The following MAP4K3 variants were observed in gnomAD, a reference collection of about 807,000 sequenced individuals.
MAP4K3 encodes the protein MAPK/ERK kinase kinase kinase 3.
Under a neutral mutation model 143.5 loss-of-function variants are expected in MAP4K3, and 94 were observed. The ratio of observed to expected loss-of-function variants is 0.65; its 90% CI spans 0.55 to 0.78. The LOEUF (loss-of-function observed/expected upper bound fraction) is 0.78. Ranked by LOEUF, MAP4K3 falls within the 30% of genes least tolerant of loss-of-function variation. The pLI, the probability that MAP4K3 is intolerant of heterozygous loss-of-function variation, is 0.00. For missense variants in MAP4K3, 1,077 were observed against 1,068.1 expected, an observed-to-expected ratio of 1.01 and a Z score of -0.12; for synonymous variants, 416 against 347.2, an observed-to-expected ratio of 1.20 and a Z score of -2.20.
intron 3 of MAP4K3, among the ~76,000 whole-genome samples, chr2:39,351,304 C>A (rs544268381): frequency 6.6e-6 from 1 of 152,206 alleles, no homozygotes; most frequent in African/African-American, 2.4e-5. Flanking sequence ...TAAATATCTA[C>A]CAATCTTTTA....
At chr2:39,288,009 T>C in intron 20 of MAP4K3, 112 bp downstream of exon 20, 4 of 1,330,802 alleles carry the variant, frequency 3.0e-6, no homozygotes, top group Non-Finnish European at 4.2e-6. Context: ...AGCCACTGCT[T>C]TCCTTCTGTC....
chr2:39,337,752 GTTTTTTTTTTTTT>G lies in MAP4K3; in HGVS notation c.311-184_311-172del, dbSNP rs570853243. 1.9e-3 allele frequency among the ~76,000 whole-genome samples: 131 copies of G among 70,512 alleles called. 1 individual carries two copies. Among genetic ancestry groups the G allele is most frequent in the Non-Finnish European group, 2.6e-3 (111 of 42,504 alleles). 46.3% of individuals were successfully genotyped at this position (70,512 alleles called of 152,430 possible). Reference sequence around the variant, plus strand: ...TACTGTCCTACTGTGCCTGGCTCCAGTTTTTTTTTTTTTTTTTTTTTTTTTTTTGAGACAGGGT... The same window carrying G: ...TACTGTCCTACTGTGCCTGGCTCCAGTTTTTTTTTTTTTTTGAGACAGGGT... On this transcript the variant is annotated intron_variant, in intron 4 of 33. Transcript: ENST00000263881.
intron 1 of MAP4K3, among the ~76,000 whole-genome samples, chr2:39,395,456 G>T (rs1666780094): frequency 6.6e-6 from 1 of 151,996 alleles, no homozygotes; most frequent in Admixed American, 6.6e-5. Flanking sequence ...AAAAGAAAAT[G>T]GAATGCTTCT....
rs559688559 is a variant in MAP4K3 at position 39,273,010 on chromosome 2, G to GA, written c.1795-469dup. Among the ~76,000 whole-genome samples, 10 of 150,406 alleles carry GA rather than the reference G, an allele frequency of 6.6e-5. No homozygotes were observed. In the South Asian group the frequency reaches 1.5e-3, roughly 22 times the overall value. ...GATACAGAAACACTAGGTATGGAGG[G>GA]AAAAAAAAGGCTGAGATAGAAGATG... is the stretch of plus-strand genomic sequence containing the variant. On this transcript the variant is annotated intron_variant, in intron 24 of 33. Coordinates refer to ENST00000263881, the MANE Select transcript of MAP4K3 (RefSeq NM_003618.4).
intron 26 of MAP4K3, 37 bp downstream of exon 26, chr2:39,272,246 T>C (rs757461025): frequency 7.1e-7 from 1 of 1,403,060 alleles, no homozygotes; most frequent in Admixed American, 1.8e-5. Context: ...GAGAATGAAC[T>C]GTTAATATCA....
chr2:39,255,051 C>T (rs1316636582), intron 31 of MAP4K3, among the ~76,000 whole-genome samples: 1 of 152,138 alleles, frequency 6.6e-6, no homozygotes, highest in Non-Finnish European at 1.5e-5. Flanking sequence ...CATTTCTGGT[C>T]TTTCCTTCCT....
chr2:39,308,940 T>C (rs958585545), intron 14 of MAP4K3, among the ~76,000 whole-genome samples: 6 of 151,220 alleles, frequency 4.0e-5, no homozygotes, highest in African/African-American at 1.5e-4. Context: ...AAAAAGCCCC[T>C]CAAAAAGAGA....
chr2:39,401,820 C>G (rs1044460127), intron 1 of MAP4K3, among the ~76,000 whole-genome samples: 4 of 151,924 alleles, frequency 2.6e-5, no homozygotes, highest in African/African-American at 9.7e-5. Context: ...CAAATAAATA[C>G]AAGAATCTGT....
chr2:39,296,039 T>C (rs911265328), intron 16 of MAP4K3, among the ~76,000 whole-genome samples: 1 of 152,244 alleles, frequency 6.6e-6, no homozygotes, highest in Non-Finnish European at 1.5e-5. Flanking sequence ...TCCACTTTTT[T>C]AAAAAGAATC....
At chr2:39,326,453 A>C (rs904329900) in intron 8 of MAP4K3, among the ~76,000 whole-genome samples, 176 bp from the exon 9 acceptor site, 1 of 152,118 alleles carries the variant, frequency 6.6e-6, no homozygotes, top group African/African-American at 2.4e-5. Flanking sequence ...TTGACATCTC[A>C]TAAGACCCTC....
chr2:39,412,883 C>A (rs1228272493), intron 1 of MAP4K3, among the ~76,000 whole-genome samples: 5 of 151,986 alleles, frequency 3.3e-5, no homozygotes, highest in African/African-American at 1.2e-4. Context: ...TCAAATCTGG[C>A]AATCAAGAGG....
chr2:39,344,866 G>C (rs185610249), intron 3 of MAP4K3, among the ~76,000 whole-genome samples: 82 of 152,286 alleles, frequency 5.4e-4, no homozygotes, highest in African/African-American at 1.8e-3. Flanking sequence ...TGATTTAGTG[G>C]GAGTTGAAGA....
At chr2:39,434,000 T>G (rs1665374721) in intron 1 of MAP4K3, among the ~76,000 whole-genome samples, 1 of 152,222 alleles carries the variant, frequency 6.6e-6, no homozygotes, top group South Asian at 2.1e-4. Context: ...AATCCCAGAT[T>G]GTCCACATCC....
At chr2:39,406,021 A>G (rs1202802587) in intron 1 of MAP4K3, among the ~76,000 whole-genome samples, 1 of 152,144 alleles carries the variant, frequency 6.6e-6, no homozygotes, top group Non-Finnish European at 1.5e-5. Context: ...GAATCCTATC[A>G]GATAAATTTA....
rs182377150 is a variant in MAP4K3, at chr2:39,341,264, A to G, written c.310+2124T>C. 8.5e-4 allele frequency among the ~76,000 whole-genome samples: 129 copies of G among 152,328 alleles called. 1 individual carries two copies. Among genetic ancestry groups the G allele is most frequent in the African/African-American group, 2.6e-3 (106 of 41,564 alleles). The stretch of plus-strand genomic sequence containing the variant: ...ACCTTCTTCAAAATGCTGAAAGAAA[A>G]TACCTGTCAACCTAGAAAATACCTA... On this transcript the variant is annotated intron_variant, in intron 4 of 33. Coordinates refer to ENST00000263881, the MANE Select transcript of MAP4K3 (RefSeq NM_003618.4).
chr2:39,324,842 G>A (rs1683433877), intron 12 of MAP4K3, among the ~76,000 whole-genome samples: 1 of 152,122 alleles, frequency 6.6e-6, no homozygotes, highest in Non-Finnish European at 1.5e-5. Flanking sequence ...CAATGCTTCT[G>A]TCATATTAGA....
chr2:39,421,138 C>T (rs1442101378), intron 1 of MAP4K3, among the ~76,000 whole-genome samples: 1 of 152,218 alleles, frequency 6.6e-6, no homozygotes, highest in South Asian at 2.1e-4. Flanking sequence ...TCCCTGCCAT[C>T]AAGTAGCTCA....
At chr2:39,315,424 G>T in intron 12 of MAP4K3, 36 bp from the exon 13 acceptor site, 4 of 1,368,398 alleles carry the variant, frequency 2.9e-6, no homozygotes, top group Non-Finnish European at 3.1e-6. Flanking sequence ...TGCAGCATTT[G>T]ATAATCAAGT....
chr2:39,333,829 A>C (rs9309038), intron 6 of MAP4K3, among the ~76,000 whole-genome samples: 2 of 151,974 alleles, frequency 1.3e-5, no homozygotes, highest in Non-Finnish European at 2.9e-5. Flanking sequence ...TTAATATAAA[A>C]GTGATATATT....
Sources: gnomAD v4.1 joint callset for allele counts (sites outside exome capture counted in the v4.1 genomes callset) on GRCh38, gnomAD v4.1.1 for gene constraint, MANE v1.5 for transcripts, NCBI Gene and HGNC (gene_info 2026-07-23, HGNC 2026-07-21) for gene names.